Variants in CTNND2 observed in about 807,000 individuals in gnomAD.
The protein encoded by CTNND2 is catenin delta-2.
Under a neutral mutation model 144.4 loss-of-function variants are expected in CTNND2, and 22 were observed. The observed-to-expected ratio is 0.15, with a 90% CI of 0.11 to 0.22. The LOEUF is 0.22. Ranked by LOEUF, CTNND2 falls within the 10% of genes least tolerant of loss-of-function variation. The pLI, the probability that CTNND2 is intolerant of heterozygous loss-of-function variation, is 1.00. For synonymous variants in CTNND2, 751 were observed against 695.6 expected (o/e 1.08, Z -1.25); for missense variants, 1,353 against 1,618.8 (o/e 0.84, Z 2.82).
At chr5:11,530,720 T>A (rs756063877) in intron 3 of CTNND2, among the ~76,000 whole-genome samples, 9 of 152,208 alleles carry the variant, frequency 5.9e-5, no homozygotes, top group Non-Finnish European at 1.0e-4. Flanking sequence ...TGATCACATA[T>A]ATATCTTAAT....
At chr5:11,552,251 C>G (rs1382722530) in intron 3 of CTNND2, among the ~76,000 whole-genome samples, 2 of 152,184 alleles carry the variant, frequency 1.3e-5, no homozygotes, top group South Asian at 2.1e-4. Context: ...CAGTGTGAAA[C>G]ACTATTCCAG....
At chr5:11,854,831 A>C (rs541086642) in intron 1 of CTNND2, among the ~76,000 whole-genome samples, 4 of 152,200 alleles carry the variant, frequency 2.6e-5, no homozygotes, top group African/African-American at 9.6e-5. Context: ...TAAAATCAGG[A>C]TAACGTTTCA....
intron 9 of CTNND2, among the ~76,000 whole-genome samples, chr5:11,317,259 T>C: frequency 6.6e-6 from 1 of 152,150 alleles, no homozygotes; most frequent in East Asian, 1.9e-4. Context: ...AAAACTAGGA[T>C]TTGAACTCAG....
At chr5:11,438,241 T>TTA (rs1763944869) in intron 3 of CTNND2, among the ~76,000 whole-genome samples, 1 of 152,212 alleles carries the variant, frequency 6.6e-6, no homozygotes, top group Non-Finnish European at 1.5e-5. Flanking sequence ...GCAGATTCAA[T>TTA]TATATATTTC....
chr5:11,022,846 G>C lies in CTNND2; in HGVS notation c.2922C>G (p.Asn974Lys). The C allele has an allele frequency of 6.2e-7, 1 of 1,614,244 alleles. No individual in the cohort carries two copies. The highest frequency in any genetic ancestry group is 8.5e-7 in the Non-Finnish European group (1 of 1,180,024). Residue 974 changes from asparagine to lysine, a missense_variant, in exon 17 of 22, where the codon AAC becomes AAG. By Grantham distance (94) the Asn-to-Lys change is moderately conservative (BLOSUM62 0). Transcript: ENST00000304623. ...CCTLHEVITK[N>K]MENAKALRDA... The stretch of plus-strand genomic sequence containing the variant: ...CCCGTAAGGCCTTGGCGTTCTCCAT[G>C]TTCTTGGTAATCACTTCGTGCAGTG...
chr5:11,055,957 G>A (rs183160238), intron 16 of CTNND2, among the ~76,000 whole-genome samples: 28 of 152,354 alleles, frequency 1.8e-4, no homozygotes, highest in African/African-American at 5.0e-4. Context: ...TTTCCTGGCT[G>A]CAGAACAAAA....
chr5:11,502,936 T>C (rs1770680631), intron 3 of CTNND2, among the ~76,000 whole-genome samples: 1 of 152,240 alleles, frequency 6.6e-6, no homozygotes, highest in African/African-American at 2.4e-5. Flanking sequence ...AGGATATGAT[T>C]TGTATTCAAC....
In CTNND2 at chr5:11,110,960, C is replaced by T. The variant is rs757968137; in HGVS notation, c.2361G>A (p.Thr787=). The T allele has an allele frequency of 5.6e-6, 9 of 1,614,152 alleles. No individual in the cohort carries two copies. The highest frequency in any genetic ancestry group is 6.8e-6 in the Non-Finnish European group (8 of 1,180,026). Reference sequence around the variant, plus strand: ...CACAGAGTAGCCCGTCCAGCTCGTCCGTGCCCATGTGCTGTCCCTGAGACG... The same window carrying T: ...CACAGAGTAGCCCGTCCAGCTCGTCTGTGCCCATGTGCTGTCCCTGAGACG... ...AETSQGQHMG[T]DELDGLLCGE... Residue 787 remains threonine, a synonymous_variant, in exon 14 of 22, where the codon ACG becomes ACA. Coordinates refer to ENST00000304623, the MANE Select transcript of CTNND2 (RefSeq NM_001332.4).
intron 3 of CTNND2, among the ~76,000 whole-genome samples, chr5:11,519,457 G>A (rs1772515798): frequency 6.6e-6 from 1 of 150,912 alleles, no homozygotes; most frequent in Non-Finnish European, 1.5e-5. Flanking sequence ...TCTATTCCCA[G>A]CCACTGTGAC....
chr5:11,168,831 A>AAGAG (rs576205808), intron 11 of CTNND2, among the ~76,000 whole-genome samples: 2 of 151,418 alleles, frequency 1.3e-5, no homozygotes, highest in African/African-American at 2.4e-5. Flanking sequence ...GAGAAAGTGA[A>AAGAG]AGAGAGAGAG....
intron 1 of CTNND2, among the ~76,000 whole-genome samples, chr5:11,833,896 T>C (rs1238041025): frequency 1.3e-5 from 2 of 152,208 alleles, no homozygotes; most frequent in Admixed American, 6.5e-5. Flanking sequence ...CACTGAATGC[T>C]AAACCAAAAC....
intron 11 of CTNND2, among the ~76,000 whole-genome samples, chr5:11,196,180 T>A (rs1450170481): frequency 6.6e-6 from 1 of 152,246 alleles, no homozygotes; most frequent in African/African-American, 2.4e-5. Flanking sequence ...AATTTGGCAC[T>A]CTTGACATCA....
At chr5:11,265,466 C>G (rs1442463021) in intron 9 of CTNND2, among the ~76,000 whole-genome samples, 6 of 152,100 alleles carry the variant, frequency 3.9e-5, no homozygotes, top group Non-Finnish European at 8.8e-5. Flanking sequence ...ATGGTCCCAC[C>G]CTCTGCAAAG....
At chr5:11,644,811 A>G (rs1782264318) in intron 2 of CTNND2, among the ~76,000 whole-genome samples, 1 of 152,194 alleles carries the variant, frequency 6.6e-6, no homozygotes, top group African/African-American at 2.4e-5. Flanking sequence ...CTTGTCACCC[A>G]TAAGTCAAAC....
intron 9 of CTNND2, among the ~76,000 whole-genome samples, chr5:11,259,198 C>T (rs184342118): frequency 6.6e-6 from 1 of 152,302 alleles, no homozygotes; most frequent in East Asian, 1.9e-4. Context: ...GTCTGCCCTG[C>T]AGATTTCAGA....
intron 1 of CTNND2, among the ~76,000 whole-genome samples, chr5:11,820,158 T>C (rs1793234874): frequency 6.6e-6 from 1 of 152,186 alleles, no homozygotes; most frequent in South Asian, 2.1e-4. Flanking sequence ...CCCCATAGCA[T>C]AACCTGTTAA....
chr5:11,451,321 T>C (rs1025894655), intron 3 of CTNND2, among the ~76,000 whole-genome samples: 2 of 152,166 alleles, frequency 1.3e-5, no homozygotes, highest in African/African-American at 4.8e-5. Context: ...TACCCTATTG[T>C]ACCAGAGCTC....
At chr5:11,855,916 G>A (rs756211716) in intron 1 of CTNND2, among the ~76,000 whole-genome samples, 1 of 152,206 alleles carries the variant, frequency 6.6e-6, no homozygotes, top group Non-Finnish European at 1.5e-5. Flanking sequence ...GATATTGCCG[G>A]ATAATTGAAC....
chr5:11,055,068 G>A (rs1746214186), intron 16 of CTNND2, among the ~76,000 whole-genome samples: 1 of 152,126 alleles, frequency 6.6e-6, no homozygotes, highest in Non-Finnish European at 1.5e-5. Flanking sequence ...AAGTGTGGCA[G>A]GACTGATTTC....
Sources: allele counts gnomAD v4.1 joint callset (sites outside exome capture counted in the v4.1 genomes callset), GRCh38; gene constraint gnomAD v4.1.1; transcripts MANE v1.5; gene names NCBI Gene and HGNC (gene_info 2026-07-23, HGNC 2026-07-21).